The following WDR36 variants were observed in gnomAD, a reference collection of about 807,000 sequenced individuals.
WDR36 encodes WD repeat-containing protein 36.
A neutral mutation model predicts 112.7 loss-of-function variants in WDR36; 63 were observed. The ratio of observed to expected loss-of-function variants is 0.56; its 90% CI spans 0.46 to 0.69. The LOEUF is 0.69. Ranked by LOEUF, WDR36 falls within the 30% of genes least tolerant of loss-of-function variation. WDR36 has a pLI of 0.00. For missense variants in WDR36, 1,226 were observed against 1,070.3 expected (o/e 1.15, Z -2.03); for synonymous variants, 410 against 362.2 (o/e 1.13, Z -1.50).
intron 20 of WDR36, 50 bp downstream of exon 20, chr5:111,123,974 T>A (rs930170904): frequency 3.1e-6 from 5 of 1,611,688 alleles, no homozygotes; most frequent in Non-Finnish European, 4.2e-6. Context: ...TGTTTGTATG[T>A]GTTTTCTGCA....
rs767907856 is a variant in WDR36 at position 111,102,348 on chromosome 5, A to T, written c.546A>T (p.Lys182Asn). The T allele has an allele frequency of 1.2e-6, 2 of 1,606,026 alleles. No individual in the cohort carries two copies. Among genetic ancestry groups the T allele is most frequent in the Non-Finnish European group, 1.7e-6 (2 of 1,176,414 alleles). The change falls in exon 6 of 23, where the codon AAA (lysine) becomes AAT (asparagine). Residue 182 changes from lysine to asparagine, a missense_variant. By Grantham distance (94) the Lys-to-Asn change is moderately conservative. Coordinates refer to ENST00000513710, the MANE Select transcript of WDR36 (RefSeq NM_139281.3). ...TCAACTATTTTTCTTCTTGTAGTAA[A>T]CTTCTATATACATTTCCAGGATGGA... ...SLQLWNVKSN[K>N]LLYTFPGWKV...
In WDR36 at chr5:111,104,180, G is replaced by T; in HGVS notation, c.734G>T (p.Gly245Val). The change falls in exon 8 of 23, where the codon GGT becomes GTT. Residue 245 changes from glycine to valine, a missense_variant. By Grantham distance (109) the Gly-to-Val change is moderately radical (BLOSUM62 -3). Transcript: ENST00000513710. ...PITSISFRTDGHPVMAAGSPC... is the reference protein window; with the variant it reads ...PITSISFRTDVHPVMAAGSPC... The stretch of plus-strand genomic sequence containing the variant: ...ATGTATTTTATTTTAATAACAGATG[G>T]TCATCCAGTAATGGCAGCTGGAAGC... The T allele has an allele frequency of 1.2e-6, 2 of 1,610,518 alleles. No homozygotes were observed. The highest frequency in any genetic ancestry group is 1.7e-6 in the Non-Finnish European group (2 of 1,177,626).
In WDR36 at chr5:111,121,170, A is replaced by C. The variant is rs1040830719; in HGVS notation, c.2148+29A>C. 7 of 1,612,260 alleles carry C rather than the reference A, an allele frequency of 4.3e-6. No homozygotes were observed. The Admixed American group carries it at 6.7e-5, about 15-fold the overall frequency. ...ATAATTAACATTCTTTATAGACCCT[A>C]AGCATGCATCCAGAAGCATTTTTAT... On this transcript the variant is annotated intron_variant, in intron 19 of 22. Coordinates refer to ENST00000513710, the MANE Select transcript of WDR36 (RefSeq NM_139281.3).
rs777814573 is a variant in WDR36, at chr5:111,126,730, G to T, written c.2539-4G>T. ...ATGTTCAATCATCATATTTTTCTTTGCAGTTACACCTTAAAATGCTTCCTT... is the reference window on the plus strand; with the variant it reads ...ATGTTCAATCATCATATTTTTCTTTTCAGTTACACCTTAAAATGCTTCCTT... On this transcript the variant is annotated splice_region_variant and splice_polypyrimidine_tract_variant and intron_variant, in intron 22 of 22. Coordinates refer to ENST00000513710, the MANE Select transcript of WDR36 (RefSeq NM_139281.3). 2 of 1,612,976 alleles carry T rather than the reference G, an allele frequency of 1.2e-6. No homozygotes were observed. Among genetic ancestry groups the T allele is most frequent in the Admixed American group, 3.3e-5 (2 of 59,918 alleles).
chr5:111,113,082 T>A lies in WDR36; in HGVS notation c.1725T>A (p.Ser575Arg). Reference sequence around the variant, plus strand: ...TTTTTTTTAATTTAAAGGCTTTTAGTCCTGATGGTCGTTGGTTAATAAGTG... The same window carrying A: ...TTTTTTTTAATTTAAAGGCTTTTAGACCTGATGGTCGTTGGTTAATAAGTG... ...HQGQINDMAF[S>R]PDGRWLISAA... The change falls in exon 16 of 23, where the codon AGT (serine) becomes AGA (arginine). Residue 575 changes from serine (S) to arginine (R), a missense_variant. Physicochemically the swap from Ser to Arg is moderately radical, Grantham distance 110. Coordinates refer to ENST00000513710, the MANE Select transcript of WDR36 (RefSeq NM_139281.3). The A allele has an allele frequency of 6.9e-7, 1 of 1,448,202 alleles. No individual in the cohort carries two copies. Among genetic ancestry groups the A allele is most frequent in the Non-Finnish European group, 9.2e-7 (1 of 1,084,618 alleles). The allele number at this position is 1,448,202 out of a possible 1,614,324, so 89.7% of individuals were successfully genotyped here. A position where few individuals can be genotyped will look rare whatever the true frequency, so the allele number is the denominator to read the frequency against.
intron 8 of WDR36, 108 bp from the exon 9 acceptor site, chr5:111,104,589 G>T (rs1753187258): frequency 6.5e-6 from 10 of 1,549,590 alleles, no homozygotes; most frequent in Non-Finnish European, 8.0e-6. Flanking sequence ...AGAGTCAGTG[G>T]CTTAGCAAGC....
At position 111,127,893 on chromosome 5, in the gene WDR36, G is replaced by A. The variant is rs533342165; in HGVS notation, c.*1010G>A. 3 of 208,450 alleles carry A rather than the reference G, an allele frequency of 1.4e-5. No homozygotes were observed. The South Asian group carries it at 5.7e-4, about 40-fold the overall frequency. 12.9% of individuals were successfully genotyped at this position (208,450 alleles called of 1,614,324 possible). A position where few individuals can be genotyped will look rare whatever the true frequency, so the allele number is the denominator to read the frequency against. On this transcript the variant is annotated 3_prime_UTR_variant, in exon 23 of 23. Coordinates refer to ENST00000513710, the MANE Select transcript of WDR36 (RefSeq NM_139281.3). ...CACAGCCAAGAATGGGTATTTCAAA[G>A]CCAGGGTTTTTTTTATTTTGTTTTG... is the stretch of plus-strand genomic sequence containing the variant.
chr5:111,112,666 T>C (rs986912597), intron 15 of WDR36, among the ~76,000 whole-genome samples: 7 of 152,028 alleles, frequency 4.6e-5, no homozygotes, highest in African/African-American at 1.7e-4. Flanking sequence ...TATTATAGTT[T>C]GTTTAGAAAT....
chr5:111,094,869 T>G, intron 1 of WDR36, 51 bp from the exon 2 acceptor site: 1 of 1,439,428 alleles, frequency 6.9e-7, no homozygotes, highest in East Asian at 2.3e-5. Context: ...TGTTAGGTTA[T>G]TATGATTATG....
intron 22 of WDR36, 122 bp from the exon 23 acceptor site, chr5:111,126,612 A>C: frequency 1.9e-6 from 2 of 1,072,620 alleles, no homozygotes; most frequent in Non-Finnish European, 2.8e-6. Flanking sequence ...GTAATAAACC[A>C]GCGCTTAAGA....
At chr5:111,096,097 A>G (rs1752972187) in intron 2 of WDR36, among the ~76,000 whole-genome samples, 1 of 152,222 alleles carries the variant, frequency 6.6e-6, no homozygotes, top group Non-Finnish European at 1.5e-5. Flanking sequence ...CTAATATGGA[A>G]TTTGCAGCAT....
chr5:111,095,269 A>C (rs574670189), intron 2 of WDR36: 25 of 266,088 alleles, frequency 9.4e-5, no homozygotes, highest in African/African-American at 5.5e-4. Flanking sequence ...TCAGGATTAG[A>C]TTTAGGTTGT....
At chr5:111,105,403 C>G in intron 10 of WDR36, 43 bp downstream of exon 10, 1 of 1,539,630 alleles carries the variant, frequency 6.5e-7, no homozygotes. Flanking sequence ...ACGAAAGAAA[C>G]ATTTCAACAT....
chr5:111,126,669 T>G, intron 22 of WDR36, 65 bp from the exon 23 acceptor site: 1 of 1,557,904 alleles, frequency 6.4e-7, no homozygotes, highest in Non-Finnish European at 8.8e-7. Context: ...GGTAGAAAAA[T>G]TGAATCCAGA....
intron 18 of WDR36, 64 bp from the exon 19 acceptor site, chr5:111,120,932 G>C: frequency 1.5e-6 from 2 of 1,363,406 alleles, no homozygotes; most frequent in Non-Finnish European, 2.1e-6. Flanking sequence ...AGATGGATTT[G>C]GAATGAATTA....
At chr5:111,100,534 C>A in intron 4 of WDR36, 55 bp from the exon 5 acceptor site, 1 of 1,221,294 alleles carries the variant, frequency 8.2e-7, no homozygotes, top group Admixed American at 2.3e-5. Flanking sequence ...TATATGGTTA[C>A]ATAAAACATT....
intron 16 of WDR36, 121 bp from the exon 17 acceptor site, chr5:111,118,892 T>TA (rs1289596144): frequency 5.4e-5 from 41 of 759,656 alleles, no homozygotes; most frequent in Admixed American, 1.0e-4. Flanking sequence ...TGCTGGTGAT[T>TA]AAAAAAAAGA....
In WDR36 at chr5:111,106,087, A is replaced by G. The variant is rs1432869620; in HGVS notation, c.1124A>G (p.Lys375Arg). 24 of 1,609,954 alleles carry G rather than the reference A, an allele frequency of 1.5e-5. No individual in the cohort carries two copies. Among genetic ancestry groups the G allele is most frequent in the Non-Finnish European group, 2.0e-5 (23 of 1,177,004 alleles). ...ATAAATAAAAAGAGAGTTAAACGTA[A>G]AGGACTTCAGAATACCATGTCAGTG... ...GLINKKRVKR[K>R]GLQNTMSVRL... Residue 375 changes from lysine (K) to arginine (R), a missense_variant, in exon 11 of 23, where the codon AAA (lysine) becomes AGA (arginine). Physicochemically the swap from Lys to Arg is conservative, Grantham distance 26. Transcript: ENST00000513710.
At chr5:111,115,592 A>G (rs1441330866) in intron 16 of WDR36, among the ~76,000 whole-genome samples, 1 of 152,146 alleles carries the variant, frequency 6.6e-6, no homozygotes, top group Non-Finnish European at 1.5e-5. Flanking sequence ...GAAAAAAAAA[A>G]CATAATTAGT....
Sources: gnomAD v4.1 joint callset for allele counts (sites outside exome capture counted in the v4.1 genomes callset) on GRCh38, gnomAD v4.1.1 for gene constraint, MANE v1.5 for transcripts, NCBI Gene and HGNC (gene_info 2026-07-23, HGNC 2026-07-21) for gene names.